FGGY: variants seen among roughly 807,000 people sequenced by gnomAD.
FGGY encodes the protein FGGY carbohydrate kinase domain containing.
A neutral mutation model predicts 71.3 loss-of-function variants in FGGY; 72 were observed. The ratio of observed to expected loss-of-function variants is 1.01; its 90% CI spans 0.84 to 1.23. FGGY has a LOEUF of 1.23. Ranked by LOEUF, FGGY falls within the 50% of genes most tolerant of loss-of-function variation. The probability of loss-of-function intolerance (pLI) is 0.00; values close to 1 mark genes in which losing one functional copy is unlikely to be tolerated. For synonymous variants in FGGY, 251 were observed against 250.3 expected (o/e 1.00, Z -0.02); for missense variants, 668 against 682.3 (o/e 0.98, Z 0.23).
Position 59,762,515 on chromosome 1 carries a change from GA to G in FGGY, c.1590del (p.Lys530AsnfsTer6), listed in dbSNP as rs780863873. On this transcript the variant is annotated frameshift_variant, in exon 16 of 16. Transcript: ENST00000303721. LOFTEE classifies it high-confidence loss of function. ...RLQDKKYYDK[K>X]YQVFLKLVEH... Reference sequence around the variant, plus strand: ...ATTTCTCCCACAGATACTATGATAAGAAATACCAAGTATTCCTGAAGCTGGT... The same window carrying G: ...ATTTCTCCCACAGATACTATGATAAGAATACCAAGTATTCCTGAAGCTGGT... The G allele has an allele frequency of 2.0e-5, 32 of 1,612,972 alleles. No homozygotes were observed. The highest frequency in any genetic ancestry group is 2.4e-5 in the Non-Finnish European group (28 of 1,179,384).
chr1:59,468,788 C>T (rs1011950625), intron 6 of FGGY, among the ~76,000 whole-genome samples: 8 of 148,674 alleles, frequency 5.4e-5, no homozygotes, highest in Non-Finnish European at 7.4e-5. Flanking sequence ...AGGAGAATGG[C>T]GTGAACATGG....
chr1:59,366,392 TG>T (rs2056596712), intron 4 of FGGY, among the ~76,000 whole-genome samples: 1 of 152,134 alleles, frequency 6.6e-6, no homozygotes, highest in South Asian at 2.1e-4. Context: ...TTCCACTTGA[TG>T]TTTAGGCCTC....
At chr1:59,469,968 A>C (rs2092855639) in intron 6 of FGGY, among the ~76,000 whole-genome samples, 1 of 152,194 alleles carries the variant, frequency 6.6e-6, no homozygotes, top group Admixed American at 6.5e-5. Context: ...CATGGTGTAC[A>C]TGTACCACAT....
chr1:59,479,826 T>G (rs1413894754), intron 6 of FGGY, among the ~76,000 whole-genome samples: 1 of 152,136 alleles, frequency 6.6e-6, no homozygotes, highest in Non-Finnish European at 1.5e-5. Flanking sequence ...GTGGTGTGAT[T>G]TTCTCCAGCA....
chr1:59,546,107 A>G (rs1278460825), intron 7 of FGGY, among the ~76,000 whole-genome samples: 1 of 152,204 alleles, frequency 6.6e-6, no homozygotes. Flanking sequence ...AAAGATTGGA[A>G]GTTGTTGGTA....
At chr1:59,697,787 C>T in intron 14 of FGGY, 3 of 975,034 alleles carry the variant, frequency 3.1e-6, no homozygotes, top group South Asian at 1.6e-5. Context: ...TGCCCCTCCA[C>T]ATCACCCCCT....
intron 14 of FGGY, among the ~76,000 whole-genome samples, chr1:59,692,557 G>C (rs925356210): frequency 6.6e-6 from 1 of 151,414 alleles, no homozygotes; most frequent in African/African-American, 2.4e-5. Context: ...ATCATCAGGA[G>C]TCCAACAGGG....
At chr1:59,336,842 G>T (rs2049644895) in intron 2 of FGGY, among the ~76,000 whole-genome samples, 1 of 151,968 alleles carries the variant, frequency 6.6e-6, no homozygotes, top group Non-Finnish European at 1.5e-5. Flanking sequence ...CATTTTACGA[G>T]TGTGACATAT....
intron 6 of FGGY, among the ~76,000 whole-genome samples, chr1:59,488,797 C>G (rs891017548): frequency 2.0e-5 from 3 of 151,084 alleles, no homozygotes; most frequent in Non-Finnish European, 4.4e-5. Flanking sequence ...TTATGTTATT[C>G]CTTAGGATGG....
intron 6 of FGGY, among the ~76,000 whole-genome samples, chr1:59,511,517 T>G (rs1388542531): frequency 6.6e-6 from 1 of 152,180 alleles, no homozygotes; most frequent in Non-Finnish European, 1.5e-5. Flanking sequence ...CTATTCTGTC[T>G]TACGTGGTTC....
chr1:59,331,067 A>AT (rs2048377343), intron 2 of FGGY, among the ~76,000 whole-genome samples: 2 of 151,962 alleles, frequency 1.3e-5, no homozygotes, highest in African/African-American at 2.4e-5. Flanking sequence ...GGTGCTTAAT[A>AT]TTTTTAATAA....
At chr1:59,337,949 G>T (rs953531979) in intron 2 of FGGY, among the ~76,000 whole-genome samples, 1 of 152,192 alleles carries the variant, frequency 6.6e-6, no homozygotes, top group Non-Finnish European at 1.5e-5. Context: ...ATGGGGGAAA[G>T]CATTCATGTT....
intron 5 of FGGY, among the ~76,000 whole-genome samples, chr1:59,408,339 G>T (rs922684600): frequency 7.2e-5 from 11 of 152,266 alleles, no homozygotes; most frequent in Middle Eastern, 3.4e-3. Context: ...TTAATATGCT[G>T]TTAATAATAA....
chr1:59,546,384 A>G (rs2095520012), intron 7 of FGGY, among the ~76,000 whole-genome samples: 1 of 136,690 alleles, frequency 7.3e-6, no homozygotes, highest in African/African-American at 2.9e-5. Context: ...TCATGTAGAA[A>G]AAGACCTTCC....
chr1:59,574,272 C>T (rs985837168), intron 8 of FGGY, among the ~76,000 whole-genome samples: 6 of 152,136 alleles, frequency 3.9e-5, no homozygotes, highest in African/African-American at 1.4e-4. Flanking sequence ...GGCTTGTGGC[C>T]ACATCATTCC....
chr1:59,695,469 G>C (rs2097649272), intron 14 of FGGY, among the ~76,000 whole-genome samples: 1 of 152,234 alleles, frequency 6.6e-6, no homozygotes, highest in Non-Finnish European at 1.5e-5. Context: ...TTTCTTGGTA[G>C]ATGCAATGAG....
At chr1:59,579,492 C>T (rs187196243) in intron 8 of FGGY, among the ~76,000 whole-genome samples, 96 of 152,252 alleles carry the variant, frequency 6.3e-4, no homozygotes, top group Middle Eastern at 3.4e-3. Context: ...TCCTCTCAGC[C>T]CCCAGGAAAT....
chr1:59,704,789 G>C (rs562321871), intron 14 of FGGY, among the ~76,000 whole-genome samples: 1 of 152,008 alleles, frequency 6.6e-6, no homozygotes, highest in East Asian at 1.9e-4. Context: ...TTCTTTTAGA[G>C]AAATACAAAA....
chr1:59,341,370 G>A (rs2050647082), intron 3 of FGGY, among the ~76,000 whole-genome samples: 1 of 152,120 alleles, frequency 6.6e-6, no homozygotes, highest in East Asian at 1.9e-4. Context: ...ATAATTATAA[G>A]GACTATAAAT....
Sources: allele counts gnomAD v4.1 joint callset (sites outside exome capture counted in the v4.1 genomes callset), GRCh38; gene constraint gnomAD v4.1.1; transcripts MANE v1.5; gene names NCBI Gene and HGNC (gene_info 2026-07-23, HGNC 2026-07-21).